UTRN: variants seen among roughly 807,000 people sequenced by gnomAD.
UTRN encodes the protein dystrophin-related protein 1.
Under a neutral mutation model 463.9 loss-of-function variants are expected in UTRN, and 283 were observed. The observed-to-expected ratio is 0.61, with a 90% CI of 0.55 to 0.67. The LOEUF is 0.67. Among genes scored for constraint, UTRN ranks in the 30% least tolerant of loss-of-function variants. UTRN has a pLI of 0.00. For missense variants in UTRN, 3,922 were observed against 4,084.3 expected (o/e 0.96, Z 1.08); for synonymous variants, 1,442 against 1,431.5 (o/e 1.01, Z -0.17).
intron 34 of UTRN, among the ~76,000 whole-genome samples, chr6:144,501,970 C>T (rs1396023279): frequency 1.3e-5 from 2 of 152,074 alleles, no homozygotes; most frequent in African/African-American, 4.8e-5. Context: ...CTAATTCTGA[C>T]CATTTTTTAT....
chr6:144,329,503 C>T (rs1471496531), intron 2 of UTRN, among the ~76,000 whole-genome samples: 1 of 152,178 alleles, frequency 6.6e-6, no homozygotes, highest in South Asian at 2.1e-4. Flanking sequence ...TCAGTAAGAA[C>T]TTCTAGCATC....
At chr6:144,558,836 C>T (rs1425821906) in intron 50 of UTRN, among the ~76,000 whole-genome samples, 1 of 151,926 alleles carries the variant, frequency 6.6e-6, no homozygotes, top group Non-Finnish European at 1.5e-5. Context: ...AATATTAGAA[C>T]AAAAGGCTAT....
intron 65 of UTRN, among the ~76,000 whole-genome samples, chr6:144,809,867 G>A (rs531511061): frequency 6.6e-6 from 1 of 152,234 alleles, no homozygotes; most frequent in South Asian, 2.1e-4. Flanking sequence ...TAGTTTCATA[G>A]TTGAGGCTCC....
intron 11 of UTRN, among the ~76,000 whole-genome samples, chr6:144,438,316 G>A (rs1786789946): frequency 6.6e-6 from 1 of 152,196 alleles, no homozygotes; most frequent in Admixed American, 6.5e-5. Context: ...GCAATGTTAA[G>A]ATTAGCTAAA....
At chr6:144,388,571 C>G (rs947870903) in intron 2 of UTRN, among the ~76,000 whole-genome samples, 2 of 151,838 alleles carry the variant, frequency 1.3e-5, no homozygotes, top group African/African-American at 4.8e-5. Flanking sequence ...GATCACGGCT[C>G]ACTGCAGCCT....
At chr6:144,301,600 G>A (rs1369783298) in intron 2 of UTRN, among the ~76,000 whole-genome samples, 1 of 140,894 alleles carries the variant, frequency 7.1e-6, no homozygotes, top group East Asian at 2.0e-4. Flanking sequence ...CTGGAGTGCA[G>A]TGACTCAATT....
intron 6 of UTRN, 45 bp from the exon 7 acceptor site, chr6:144,426,242 T>A (rs1239579325): frequency 6.4e-7 from 1 of 1,561,302 alleles, no homozygotes. Flanking sequence ...TTGAAGTAAA[T>A]TACTGAAGTA....
intron 14 of UTRN, among the ~76,000 whole-genome samples, chr6:144,446,951 C>A (rs1312330604): frequency 3.9e-5 from 6 of 152,196 alleles, no homozygotes; most frequent in Non-Finnish European, 8.8e-5. Flanking sequence ...CTCCACCTAT[C>A]TCCTTGAGAA....
At chr6:144,485,030 T>C (rs1792290613) in intron 27 of UTRN, among the ~76,000 whole-genome samples, 1 of 151,840 alleles carries the variant, frequency 6.6e-6, no homozygotes, top group South Asian at 2.1e-4. Context: ...TTCTCCTGCC[T>C]CCTCCAGAGT....
At chr6:144,783,465 A>G (rs1028338318) in intron 61 of UTRN, among the ~76,000 whole-genome samples, 30 of 152,182 alleles carry the variant, frequency 2.0e-4, no homozygotes, top group African/African-American at 7.2e-4. Flanking sequence ...TAATAACTGT[A>G]CATATTTATG....
intron 51 of UTRN, among the ~76,000 whole-genome samples, chr6:144,669,133 G>T (rs1403487997): frequency 6.6e-6 from 1 of 152,116 alleles, no homozygotes; most frequent in Non-Finnish European, 1.5e-5. Context: ...AGGAGGAAAA[G>T]ATAATTGCCA....
chr6:144,610,513 C>A (rs1585552301), intron 51 of UTRN, among the ~76,000 whole-genome samples: 2 of 152,304 alleles, frequency 1.3e-5, no homozygotes, highest in East Asian at 1.9e-4. Flanking sequence ...AATACCAATT[C>A]TAAGCTTTTC....
In UTRN at chr6:144,445,977, C is replaced by T. The variant is rs552254779; in HGVS notation, c.1615-1234C>T. Among the ~76,000 whole-genome samples, 285 of 152,044 alleles carry T rather than the reference C, an allele frequency of 1.9e-3. 1 individual carries two copies. The highest frequency in any genetic ancestry group is 5.1e-3 in the African/African-American group (213 of 41,474). On this transcript the variant is annotated intron_variant, in intron 14 of 74. Transcript: ENST00000367545. ...CCAGGAAGCAGAGGTTGCAGTGATC[C>T]GAGATGGCACCACTGCACTCCAGTC... is the stretch of plus-strand genomic sequence containing the variant.
rs1349193108 is a variant in UTRN, at chr6:144,485,508, G to A, written c.3811G>A (p.Glu1271Lys). Reference protein sequence around the residue: ...VLPEKTDAVNEALESLESVLR... With the variant: ...VLPEKTDAVNKALESLESVLR... ...GCCTGAGAAGACGGATGCTGTCAACGAAGCCCTGGAGGTTGGAACCCGTGA... is the reference window on the plus strand; with the variant it reads ...GCCTGAGAAGACGGATGCTGTCAACAAAGCCCTGGAGGTTGGAACCCGTGA... Residue 1271 changes from glutamate (E) to lysine (K), a missense_variant, in exon 28 of 75, where the codon GAA becomes AAA. Around this residue, in one of 3 missense-constraint regions of UTRN, gnomAD observed 2,349 missense variants for 2,303.8 expected, o/e 1.02. Coordinates refer to ENST00000367545, the MANE Select transcript of UTRN (RefSeq NM_007124.3). 5 of 1,612,826 alleles carry A rather than the reference G, an allele frequency of 3.1e-6. No individual in the cohort carries two copies. The highest frequency in any genetic ancestry group is 1.3e-5 in the African/African-American group (1 of 74,458).
At chr6:144,790,626 CT>C (rs1776678547) in intron 62 of UTRN, among the ~76,000 whole-genome samples, 1 of 152,218 alleles carries the variant, frequency 6.6e-6, no homozygotes, top group Non-Finnish European at 1.5e-5. Flanking sequence ...CAGAAGAAAG[CT>C]TTGCCCAAGA....
intron 49 of UTRN, 115 bp from the exon 50 acceptor site, chr6:144,557,042 A>G (rs962505699): frequency 6.8e-6 from 9 of 1,317,802 alleles, no homozygotes; most frequent in Admixed American, 2.8e-5. Flanking sequence ...GTCTGTTTTC[A>G]TCCTGTGATA....
chr6:144,309,733 A>G (rs1455113849), intron 2 of UTRN, among the ~76,000 whole-genome samples: 1 of 152,228 alleles, frequency 6.6e-6, no homozygotes, highest in Non-Finnish European at 1.5e-5. Flanking sequence ...TTTTCAAATC[A>G]GAAGTGGATA....
At chr6:144,734,680 A>G (rs934895526) in intron 54 of UTRN, among the ~76,000 whole-genome samples, 9 of 152,188 alleles carry the variant, frequency 5.9e-5, no homozygotes, top group African/African-American at 9.7e-5. Flanking sequence ...CACGTCTACT[A>G]TGCTTTCCTG....
Position 144,447,143 on chromosome 6 carries a change from G to C in UTRN, c.1615-68G>C, listed in dbSNP as rs533766637. The C allele has an allele frequency of 2.5e-4, 363 of 1,423,924 alleles. 5 individuals are homozygous for C. In the South Asian group the frequency reaches 4.2e-3, roughly 16 times the overall value. The allele number at this position is 1,423,924 out of a possible 1,614,324, so 88.2% of individuals were successfully genotyped here. On this transcript the variant is annotated intron_variant, in intron 14 of 74. Coordinates refer to ENST00000367545, the MANE Select transcript of UTRN (RefSeq NM_007124.3). ...TAATAAAATAAAAGTTAGAAATTTG[G>C]ATGCATGATTTAATTGAATTACCAA...
Sources: gnomAD v4.1 joint callset for allele counts (sites outside exome capture counted in the v4.1 genomes callset) on GRCh38, gnomAD v4.1.1 for gene constraint, gnomAD v4.1.1 regional missense constraint, MANE v1.5 for transcripts, NCBI Gene and HGNC (gene_info 2026-07-23, HGNC 2026-07-21) for gene names.